The following KATNAL1 variants were observed in gnomAD, a reference collection of about 807,000 sequenced individuals.
KATNAL1 encodes katanin p60 ATPase-containing subunit A-like 1.
A neutral mutation model predicts 55.2 loss-of-function variants in KATNAL1; 32 were observed. The ratio of observed to expected loss-of-function variants is 0.58; its 90% confidence interval spans 0.44 to 0.78. The LOEUF is 0.78. Ranked by LOEUF, KATNAL1 falls within the 30% of genes least tolerant of loss-of-function variation. The probability of loss-of-function intolerance (pLI) is 0.00; values close to 1 mark genes in which losing one functional copy is unlikely to be tolerated. For missense variants in KATNAL1, 466 were observed against 600.9 expected, an observed-to-expected ratio of 0.78 and a Z score of 2.35; for synonymous variants, 193 against 193.6, an observed-to-expected ratio of 1.00 and a Z score of 0.02.
intron 4 of KATNAL1, among the ~76,000 whole-genome samples, chr13:30,249,141 A>C (rs1056559291): frequency 1.3e-5 from 2 of 151,960 alleles, no homozygotes; most frequent in African/African-American, 4.8e-5. Flanking sequence ...CTGAGGCAGG[A>C]GAATTGCTTG....
At chr13:30,238,616 G>A (rs1051350795) in intron 6 of KATNAL1, among the ~76,000 whole-genome samples, 3 of 152,094 alleles carry the variant, frequency 2.0e-5, no homozygotes, top group Non-Finnish European at 4.4e-5. Flanking sequence ...TGAATCCCAC[G>A]TCCTCAAGCA....
chr13:30,217,315 G>A (rs1008329023), intron 9 of KATNAL1, among the ~76,000 whole-genome samples: 4 of 152,118 alleles, frequency 2.6e-5, no homozygotes, highest in African/African-American at 4.8e-5. Context: ...TTAGCCAGGC[G>A]TGGTGGCGGA....
At chr13:30,215,074 C>A (rs1874079181) in intron 9 of KATNAL1, among the ~76,000 whole-genome samples, 1 of 150,716 alleles carries the variant, frequency 6.6e-6, no homozygotes, top group Non-Finnish European at 1.5e-5. Flanking sequence ...AACAAATTTA[C>A]AAGAAAAAAA....
chr13:30,288,882 A>G (rs1483242231), intron 1 of KATNAL1, among the ~76,000 whole-genome samples: 1 of 152,222 alleles, frequency 6.6e-6, no homozygotes, highest in East Asian at 1.9e-4. Context: ...TGTTGACACT[A>G]CTGGTTCAAG....
intron 1 of KATNAL1, among the ~76,000 whole-genome samples, chr13:30,297,678 T>C (rs114681001): frequency 6.1e-4 from 93 of 152,320 alleles, no homozygotes; most frequent in African/African-American, 2.2e-3. Flanking sequence ...TGGAATACTA[T>C]ATGGTCTTAA....
intron 3 of KATNAL1, among the ~76,000 whole-genome samples, chr13:30,278,792 G>A (rs978689705): frequency 2.0e-5 from 3 of 152,152 alleles, no homozygotes; most frequent in Non-Finnish European, 4.4e-5. Flanking sequence ...CTTTCTTTCA[G>A]TATTTATTTT....
At chr13:30,294,261 G>A (rs1318094141) in intron 1 of KATNAL1, among the ~76,000 whole-genome samples, 2 of 152,176 alleles carry the variant, frequency 1.3e-5, no homozygotes, top group Non-Finnish European at 2.9e-5. Flanking sequence ...GATCTCTCGT[G>A]CCAAAGAGCC....
At chr13:30,247,665 G>C (rs1877920558) in intron 4 of KATNAL1, among the ~76,000 whole-genome samples, 1 of 152,162 alleles carries the variant, frequency 6.6e-6, no homozygotes, top group Non-Finnish European at 1.5e-5. Context: ...AATGAGAGGA[G>C]GGGAGAAAGA....
In KATNAL1 at chr13:30,280,079, CA is replaced by C; in HGVS notation, c.306del (p.Val103PhefsTer18). 6.2e-7 allele frequency: 1 copy of C among 1,611,750 alleles called. No homozygotes were observed. Among genetic ancestry groups the C allele is most frequent in the Non-Finnish European group, 8.5e-7 (1 of 1,179,214 alleles). Reference sequence around the variant, plus strand: ...CCTATTTACCTGTGTTCTGCAGGAACAGGGGGTGGCCAAACAGCAGGATCTC... The same window carrying C: ...CCTATTTACCTGTGTTCTGCAGGAACGGGGGTGGCCAAACAGCAGGATCTC... ...PFRDPAVWPP[P>X]VPAEHRAPPQ... On this transcript the variant is annotated frameshift_variant, in exon 3 of 11. Coordinates refer to ENST00000380615, the MANE Select transcript of KATNAL1 (RefSeq NM_032116.5). LOFTEE classifies it high-confidence loss of function.
chr13:30,263,170 C>T (rs1344609033), intron 3 of KATNAL1, among the ~76,000 whole-genome samples: 9 of 152,112 alleles, frequency 5.9e-5, no homozygotes, highest in East Asian at 1.9e-4. Flanking sequence ...AATTCAACAA[C>T]GCTTCATGCT....
intron 4 of KATNAL1, among the ~76,000 whole-genome samples, chr13:30,244,315 A>G (rs886990754): frequency 1.3e-5 from 2 of 152,038 alleles, no homozygotes; most frequent in Non-Finnish European, 2.9e-5. Context: ...CATTTTCTTC[A>G]TCCAGTCTAC....
chr13:30,301,445 G>T (rs1882850290), intron 1 of KATNAL1, among the ~76,000 whole-genome samples: 2 of 152,122 alleles, frequency 1.3e-5, no homozygotes, highest in Non-Finnish European at 2.9e-5. Context: ...AATAATAGTA[G>T]CGATGTTTAT....
At chr13:30,231,610 T>C in intron 6 of KATNAL1, 138 bp from the exon 7 acceptor site, 1 of 498,440 alleles carries the variant, frequency 2.0e-6, no homozygotes, top group Non-Finnish European at 3.3e-6. Context: ...TCATGATGCA[T>C]TTAGTAAGAG....
At chr13:30,284,004 G>A (rs1881605553) in intron 1 of KATNAL1, among the ~76,000 whole-genome samples, 4 of 151,664 alleles carry the variant, frequency 2.6e-5, no homozygotes, top group Non-Finnish European at 5.9e-5. Flanking sequence ...GCAACTATAG[G>A]GGTGCACCAC....
intron 6 of KATNAL1, among the ~76,000 whole-genome samples, chr13:30,237,982 A>C (rs561550269): frequency 2.7e-4 from 41 of 152,268 alleles, no homozygotes; most frequent in African/African-American, 9.1e-4. Context: ...ATTCATAATC[A>C]CCATCCCAAT....
intron 9 of KATNAL1, among the ~76,000 whole-genome samples, chr13:30,215,425 G>A (rs202112): frequency 0.32 from 49,234 of 152,062 alleles, 8,187 homozygotes; most frequent in East Asian, 0.43. Context: ...CCATTAGTGG[G>A]TATATACCCA....
intron 3 of KATNAL1, among the ~76,000 whole-genome samples, chr13:30,258,564 G>A (rs998546909): frequency 5.3e-5 from 8 of 152,254 alleles, no homozygotes; most frequent in East Asian, 1.9e-4. Flanking sequence ...TCATGATTCT[G>A]TAAGTCCAAT....
In KATNAL1 at chr13:30,238,043, T is replaced by C. The variant is rs11843827; in HGVS notation, c.726+2417A>G. ...AACTACTGCCAATCACTTCTGAACG[T>C]GCTCTTTGCCTCCCGTCTTTCTGTG... On this transcript the variant is annotated intron_variant, in intron 6 of 10. Coordinates refer to ENST00000380615, the MANE Select transcript of KATNAL1 (RefSeq NM_032116.5). Among the ~76,000 whole-genome samples the C allele has an allele frequency of 2.8e-3, 432 of 152,298 alleles. 4 individuals carry two copies. Among genetic ancestry groups the C allele is most frequent in the African/African-American group, 9.9e-3 (410 of 41,564 alleles).
At chr13:30,270,005 C>T (rs1209032835) in intron 3 of KATNAL1, among the ~76,000 whole-genome samples, 2 of 148,146 alleles carry the variant, frequency 1.4e-5, no homozygotes, top group African/African-American at 5.0e-5. Flanking sequence ...CGGCCAGCCG[C>T]CCCGTCCGGG....
Sources: gnomAD v4.1 joint callset for allele counts (sites outside exome capture counted in the v4.1 genomes callset) on GRCh38, gnomAD v4.1.1 for gene constraint, MANE v1.5 for transcripts, NCBI Gene and HGNC (gene_info 2026-07-23, HGNC 2026-07-21) for gene names.